The following GSE1 variants were observed in gnomAD, a reference collection of about 807,000 sequenced individuals.
GSE1 encodes the protein genetic suppressor element 1.
GSE1 carries 32 observed loss-of-function variants against 112.6 expected under a neutral mutation model. That is an observed-to-expected ratio of 0.28 (90% CI 0.21 to 0.38). The LOEUF (loss-of-function observed/expected upper bound fraction) is 0.38. Among genes scored for constraint, GSE1 ranks in the 10% least tolerant of loss-of-function variants. GSE1 has a pLI of 1.00. For missense variants in GSE1, 2,348 were observed against 1,699.2 expected (o/e 1.38, Z -6.71); for synonymous variants, 1,115 against 735.6 (o/e 1.52, Z -8.35).
intron 1 of GSE1, among the ~76,000 whole-genome samples, chr16:85,276,953 T>C (rs62049831): frequency 0.25 from 38,030 of 152,164 alleles, 5,450 homozygotes; most frequent in East Asian, 0.34. Flanking sequence ...GAGGGGACCG[T>C]GCAGCCGGGC....
chr16:85,235,435 TG>T (rs1904511227), intron 1 of GSE1, among the ~76,000 whole-genome samples: 1 of 135,524 alleles, frequency 7.4e-6, no homozygotes, highest in Non-Finnish European at 1.6e-5. Flanking sequence ...GTACTGTGTG[TG>T]TGTGTGTGTG....
chr16:85,480,413 C>A (rs73263199), intron 2 of GSE1, among the ~76,000 whole-genome samples: 9 of 152,296 alleles, frequency 5.9e-5, no homozygotes, highest in Non-Finnish European at 8.8e-5. Flanking sequence ...CCTCCACCCC[C>A]CTCTGCCTGC....
intron 1 of GSE1, among the ~76,000 whole-genome samples, chr16:85,315,229 C>G (rs2045962152): frequency 6.6e-6 from 1 of 152,114 alleles, no homozygotes; most frequent in Admixed American, 6.6e-5. Context: ...CGGGGGGAGG[C>G]TCAGCGGGAG....
intron 1 of GSE1, among the ~76,000 whole-genome samples, chr16:85,322,078 C>T (rs1454580384): frequency 6.6e-6 from 1 of 152,244 alleles, no homozygotes; most frequent in African/African-American, 2.4e-5. Flanking sequence ...GTGCCTGAGG[C>T]TCTGCACCCA....
chr16:85,332,084 CA>C (rs1477325933), intron 1 of GSE1, among the ~76,000 whole-genome samples: 3 of 152,140 alleles, frequency 2.0e-5, no homozygotes, highest in African/African-American at 7.2e-5. Context: ...CTGACTGCCC[CA>C]GGTCTGAAGT....
intron 1 of GSE1, among the ~76,000 whole-genome samples, chr16:85,230,836 T>G (rs1374902709): frequency 6.9e-6 from 1 of 145,526 alleles, no homozygotes; most frequent in South Asian, 2.1e-4. Context: ...GAAGACTAGA[T>G]GGATGGATGG....
chr16:85,261,567 C>G (rs1907684747), intron 1 of GSE1, among the ~76,000 whole-genome samples: 1 of 152,184 alleles, frequency 6.6e-6, no homozygotes, highest in African/African-American at 2.4e-5. Context: ...GAGGCCAGGA[C>G]AGGCTCAGAG....
At chr16:85,291,446 C>G (rs575274512) in intron 1 of GSE1, among the ~76,000 whole-genome samples, 1 of 152,224 alleles carries the variant, frequency 6.6e-6, no homozygotes, top group Non-Finnish European at 1.5e-5. Context: ...CTACCACCCT[C>G]GGAGGGGACG....
intron 1 of GSE1, among the ~76,000 whole-genome samples, chr16:85,620,899 G>A (rs1315128095): frequency 6.6e-6 from 1 of 152,074 alleles, no homozygotes; most frequent in Non-Finnish European, 1.5e-5. Flanking sequence ...CTCGGCCCTG[G>A]GTCTCTGCTC....
intron 2 of GSE1, among the ~76,000 whole-genome samples, chr16:85,494,723 G>C (rs563397959): frequency 1.1e-4 from 17 of 152,298 alleles, no homozygotes; most frequent in Non-Finnish European, 1.5e-4. Context: ...GTCACATTCT[G>C]AGATTCTGGG....
At chr16:85,643,056 G>A (rs1195810696) in intron 2 of GSE1, among the ~76,000 whole-genome samples, 1 of 152,164 alleles carries the variant, frequency 6.6e-6, no homozygotes. Flanking sequence ...GCTGACAGGT[G>A]CTGCTGTGGC....
chr16:85,214,304 G>A lies in GSE1; in HGVS notation c.2283+42497G>A, dbSNP rs115470914. Among the ~76,000 whole-genome samples the A allele has an allele frequency of 3.7e-3, 560 of 152,324 alleles. 2 individuals are homozygous for A. The highest frequency in any genetic ancestry group is 0.013 in the African/African-American group (535 of 41,574). The stretch of plus-strand genomic sequence containing the variant: ...GAGTGTGACCTTGTTTGGAAATAGG[G>A]TCTTTGCCCATGCATGAAGTTAGGG... On this transcript the variant is annotated intron_variant, in intron 1 of 2. Transcript: ENST00000637419.
intron 1 of GSE1, among the ~76,000 whole-genome samples, chr16:85,287,116 C>T (rs909663510): frequency 2.0e-5 from 3 of 152,228 alleles, no homozygotes; most frequent in Non-Finnish European, 4.4e-5. Flanking sequence ...GAGTGTTCTG[C>T]GGTGTCACTG....
rs760140854 is a variant in GSE1, at chr16:85,668,098, C to G, written c.3131-42C>G. ...CCCTTCTGAGACAGCACCCTGTGTC[C>G]CTTCCCCCAACACACTGATGCAAGC... On this transcript the variant is annotated intron_variant, in intron 13 of 15. Transcript: ENST00000253458. 1.0e-5 allele frequency: 15 copies of G among 1,484,438 alleles called. No individual in the cohort carries two copies. In the African/African-American group the frequency reaches 1.4e-4, roughly 14 times the overall value. 92.0% of individuals were successfully genotyped at this position (1,484,438 alleles called of 1,614,324 possible). A position where few individuals can be genotyped will look rare whatever the true frequency, so the allele number is the denominator to read the frequency against.
At chr16:85,541,579 G>A (rs886510650) in intron 2 of GSE1, among the ~76,000 whole-genome samples, 1 of 152,234 alleles carries the variant, frequency 6.6e-6, no homozygotes, top group African/African-American at 2.4e-5. Flanking sequence ...CGTGGACAAG[G>A]CAGGGCCACG....
At chr16:85,410,920 C>A (rs2048512779) in intron 2 of GSE1, among the ~76,000 whole-genome samples, 1 of 108,240 alleles carries the variant, frequency 9.2e-6, no homozygotes. Flanking sequence ...TCAGGGCCCC[C>A]CTGGATAATC....
chr16:85,187,417 C>T (rs1334359060), intron 1 of GSE1, among the ~76,000 whole-genome samples: 1 of 152,250 alleles, frequency 6.6e-6, no homozygotes, highest in Non-Finnish European at 1.5e-5. Context: ...GGACTGAGAG[C>T]CCTGCTCTGG....
At chr16:85,177,826 C>G (rs966633424) in intron 1 of GSE1, among the ~76,000 whole-genome samples, 2 of 152,164 alleles carry the variant, frequency 1.3e-5, no homozygotes, top group Non-Finnish European at 2.9e-5. Context: ...GGAAGAATCT[C>G]ACAGACCATC....
intron 1 of GSE1, among the ~76,000 whole-genome samples, chr16:85,561,799 G>A (rs1047304948): frequency 2.6e-5 from 4 of 152,192 alleles, no homozygotes; most frequent in South Asian, 2.1e-4. Flanking sequence ...TGAGAGCTGG[G>A]GTACCCAGAG....
Sources: gnomAD v4.1 joint callset for allele counts (sites outside exome capture counted in the v4.1 genomes callset) on GRCh38, gnomAD v4.1.1 for gene constraint, MANE v1.5 for transcripts, NCBI Gene and HGNC (gene_info 2026-07-23, HGNC 2026-07-21) for gene names.